RAPGEF4: variants seen among roughly 807,000 people sequenced by gnomAD.
RAPGEF4 encodes the protein RAP guanine-nucleotide-exchange factor (GEF) 4.
A neutral mutation model predicts 147.9 loss-of-function variants in RAPGEF4; 66 were observed. The ratio of observed to expected loss-of-function variants is 0.45; its 90% CI spans 0.37 to 0.55. The LOEUF (loss-of-function observed/expected upper bound fraction) is 0.55, where lower values mean the gene tolerates loss of function less well. Ranked by LOEUF, RAPGEF4 falls within the 20% of genes least tolerant of loss-of-function variation. The probability of loss-of-function intolerance (pLI) is 0.00; values close to 1 mark genes in which losing one functional copy is unlikely to be tolerated. For missense variants in RAPGEF4, 1,071 were observed against 1,257.3 expected, an observed-to-expected ratio of 0.85 and a Z score of 2.24; for synonymous variants, 419 against 442.7, an observed-to-expected ratio of 0.95 and a Z score of 0.67.
intron 4 of RAPGEF4, among the ~76,000 whole-genome samples, chr2:172,831,974 T>C (rs1299293767): frequency 6.6e-6 from 1 of 152,098 alleles, no homozygotes; most frequent in Non-Finnish European, 1.5e-5. Flanking sequence ...ATATATTGAG[T>C]TCGTAAAATT....
intron 4 of RAPGEF4, among the ~76,000 whole-genome samples, chr2:172,816,824 G>C (rs552480875): frequency 5.9e-4 from 90 of 152,290 alleles, no homozygotes; most frequent in Admixed American, 1.5e-3. Flanking sequence ...ACAGGGTGGG[G>C]ACTGAAATCT....
At chr2:172,735,567 G>C (rs1693671682), upstream of RAPGEF4, 1 of 152,276 alleles carries the variant, frequency 6.6e-6, no homozygotes, top group South Asian at 2.1e-4. Flanking sequence ...CTGCCCTCCC[G>C]CCCCGCCTCA....
At chr2:173,046,612 A>T (rs997429148) in intron 29 of RAPGEF4, among the ~76,000 whole-genome samples, 1 of 152,236 alleles carries the variant, frequency 6.6e-6, no homozygotes, top group Non-Finnish European at 1.5e-5. Flanking sequence ...TTAAAAGTAA[A>T]TTAGCAGGGA....
intron 4 of RAPGEF4, among the ~76,000 whole-genome samples, chr2:172,848,715 A>G (rs1017332304): frequency 2.0e-5 from 3 of 152,142 alleles, no homozygotes; most frequent in East Asian, 1.9e-4. Context: ...GCAAGGAAGT[A>G]TCTGGGGGAG....
At chr2:172,890,956 C>T (rs2149901904) in intron 4 of RAPGEF4, among the ~76,000 whole-genome samples, 1 of 152,212 alleles carries the variant, frequency 6.6e-6, no homozygotes, top group African/African-American at 2.4e-5. Context: ...ATGGCGAAAC[C>T]CCGTCTCTAC....
chr2:172,841,214 G>A (rs1370134600), intron 4 of RAPGEF4, among the ~76,000 whole-genome samples: 2 of 152,202 alleles, frequency 1.3e-5, no homozygotes, highest in Non-Finnish European at 2.9e-5. Context: ...ACTCCAAGAA[G>A]TGAGTGAGTT....
chr2:172,785,177 T>A (rs1167506625), intron 1 of RAPGEF4, among the ~76,000 whole-genome samples: 1 of 152,192 alleles, frequency 6.6e-6, no homozygotes. Context: ...ATGATCAAAA[T>A]TTTCAGTAAG....
chr2:173,016,261 G>A, intron 18 of RAPGEF4, 88 bp from the exon 19 acceptor site: 1 of 848,268 alleles, frequency 1.2e-6, no homozygotes, highest in Admixed American at 1.9e-5. Context: ...TGAAGCAGAT[G>A]ACATAGGGAC....
intron 23 of RAPGEF4, 71 bp downstream of exon 23, chr2:173,020,786 C>T: frequency 8.2e-7 from 1 of 1,216,624 alleles, no homozygotes; most frequent in Non-Finnish European, 1.2e-6. Context: ...ATTTTGCAGT[C>T]ACACTGAACC....
At chr2:173,041,978 G>GCTAACTGTGCCTGAC (rs1458604566) in intron 29 of RAPGEF4, among the ~76,000 whole-genome samples, 2 of 152,160 alleles carry the variant, frequency 1.3e-5, no homozygotes, top group Non-Finnish European at 2.9e-5. Flanking sequence ...TCCCTGTGGT[G>GCTAACTGTGCCTGAC]CTAACTGTGC....
intron 4 of RAPGEF4, among the ~76,000 whole-genome samples, chr2:172,859,837 A>G (rs564863768): frequency 1.3e-5 from 2 of 152,314 alleles, no homozygotes; most frequent in Admixed American, 1.3e-4. Flanking sequence ...AGCATAAATC[A>G]TAAATATACC....
intron 1 of RAPGEF4, among the ~76,000 whole-genome samples, chr2:172,789,899 C>T (rs1685627868): frequency 6.6e-6 from 1 of 152,164 alleles, no homozygotes; most frequent in South Asian, 2.1e-4. Flanking sequence ...ATCTTGGCTA[C>T]TGTGAATAAT....
rs1689771113 is a variant in RAPGEF4, at chr2:172,965,774, A to G, written c.820+91A>G. ...GTTGCTGAACTCTTGAATGGGCAAG[A>G]AAGAATTACGATCCCTTTAGGGACC... On this transcript the variant is annotated intron_variant, in intron 9 of 30. Coordinates refer to ENST00000397081, the MANE Select transcript of RAPGEF4 (RefSeq NM_007023.4). 3.3e-6 allele frequency: 5 copies of G among 1,531,778 alleles called. No homozygotes were observed. In the Admixed American group the frequency reaches 5.1e-5, roughly 16 times the overall value. 94.9% of individuals were successfully genotyped at this position (1,531,778 alleles called of 1,614,324 possible).
chr2:173,001,164 T>A (rs1240113795), intron 16 of RAPGEF4, 102 bp from the exon 17 acceptor site: 15 of 1,521,256 alleles, frequency 9.9e-6, no homozygotes, highest in Non-Finnish European at 1.2e-5. Flanking sequence ...CCCAAACCAA[T>A]GTGTTAGAAC....
chr2:173,043,511 C>T (rs1170264450), intron 29 of RAPGEF4, among the ~76,000 whole-genome samples: 1 of 152,158 alleles, frequency 6.6e-6, no homozygotes, highest in African/African-American at 2.4e-5. Context: ...GGAGGGCCTG[C>T]CGGTCAGAAC....
intron 6 of RAPGEF4, among the ~76,000 whole-genome samples, chr2:172,935,066 A>G (rs1686411573): frequency 6.6e-6 from 1 of 152,190 alleles, no homozygotes; most frequent in Non-Finnish European, 1.5e-5. Context: ...AGTCCCAGCT[A>G]CTTAGGGGAC....
chr2:173,010,998 A>G (rs531777187), intron 17 of RAPGEF4, among the ~76,000 whole-genome samples: 3 of 152,264 alleles, frequency 2.0e-5, no homozygotes, highest in African/African-American at 7.2e-5. Flanking sequence ...AGGGGTAAAA[A>G]TACTGAACTT....
intron 30 of RAPGEF4, among the ~76,000 whole-genome samples, chr2:173,050,586 C>T (rs1199568636): frequency 4.6e-5 from 7 of 152,230 alleles, no homozygotes; most frequent in South Asian, 2.1e-4. Context: ...TCTGCCACTC[C>T]GGGTGTCCCC....
chr2:172,850,790 C>CT (rs1446767616), intron 4 of RAPGEF4, among the ~76,000 whole-genome samples: 2 of 152,140 alleles, frequency 1.3e-5, no homozygotes, highest in Non-Finnish European at 2.9e-5. Context: ...GTACGTACCT[C>CT]TTTTGTTGCT....
Sources: allele counts gnomAD v4.1 joint callset (sites outside exome capture counted in the v4.1 genomes callset), GRCh38; gene constraint gnomAD v4.1.1; transcripts MANE v1.5; gene names NCBI Gene and HGNC (gene_info 2026-07-23, HGNC 2026-07-21).